Variants in MORC1 observed in about 807,000 individuals in gnomAD.
The protein encoded by MORC1 is MORC family CW-type zinc finger protein 1.
A neutral mutation model predicts 134.9 loss-of-function variants in MORC1; 59 were observed. The observed-to-expected ratio is 0.44, with a 90% CI of 0.35 to 0.54. The LOEUF (loss-of-function observed/expected upper bound fraction) is 0.54, where lower values mean the gene tolerates loss of function less well. Ranked by LOEUF, MORC1 falls within the 20% of genes least tolerant of loss-of-function variation. MORC1 has a pLI of 0.00. For missense variants in MORC1, 947 were observed against 1,134.5 expected (o/e 0.83, Z 2.37); for synonymous variants, 395 against 391.7 (o/e 1.01, Z -0.10).
chr3:109,117,994 C>G lies in MORC1; in HGVS notation c.65+1G>C, dbSNP rs1453286996. ...GACCCCGACCCCACCTCGGCACTCACGAGTTGGCGTGGATGAAATCCAGAC... is the reference window on the plus strand; with the variant it reads ...GACCCCGACCCCACCTCGGCACTCAGGAGTTGGCGTGGATGAAATCCAGAC... On this transcript the variant is annotated splice_donor_variant, in intron 1 of 27. Coordinates refer to ENST00000232603, the MANE Select transcript of MORC1 (RefSeq NM_014429.4). LOFTEE classifies it high-confidence loss of function. 3 of 1,599,038 alleles carry G rather than the reference C, an allele frequency of 1.9e-6. No homozygotes were observed. The highest frequency in any genetic ancestry group is 1.3e-5 in the African/African-American group (1 of 74,722).
chr3:109,073,111 T>C (rs931048650), intron 8 of MORC1, among the ~76,000 whole-genome samples: 1 of 152,198 alleles, frequency 6.6e-6, no homozygotes, highest in Non-Finnish European at 1.5e-5. Context: ...GCACTGGGTA[T>C]TCTTAACAGT....
chr3:109,110,515 A>C (rs7641406), intron 3 of MORC1, among the ~76,000 whole-genome samples: 20,921 of 152,152 alleles, frequency 0.14, 1,844 homozygotes, highest in Admixed American at 0.2. Flanking sequence ...ACTCTGATAC[A>C]TTCACAAAAC....
At chr3:108,990,845 G>T (rs1948033899) in intron 21 of MORC1, among the ~76,000 whole-genome samples, 1 of 151,888 alleles carries the variant, frequency 6.6e-6, no homozygotes, top group Admixed American at 6.6e-5. Context: ...GTGGGTAGTG[G>T]AGTCCAGGTA....
chr3:109,040,587 T>C (rs968070136), intron 14 of MORC1, among the ~76,000 whole-genome samples: 10 of 151,366 alleles, frequency 6.6e-5, no homozygotes, highest in Admixed American at 5.9e-4. Context: ...CCCAGCACTG[T>C]GGGAAGCTGA....
At chr3:109,000,229 G>T (rs1948364309) in intron 21 of MORC1, among the ~76,000 whole-genome samples, 2 of 152,104 alleles carry the variant, frequency 1.3e-5, no homozygotes, top group Admixed American at 1.3e-4. Context: ...TCGGATTTGG[G>T]AATGAGTTTT....
intron 23 of MORC1, 83 bp downstream of exon 23, chr3:108,984,633 C>A: frequency 9.4e-7 from 1 of 1,068,446 alleles, no homozygotes; most frequent in South Asian, 1.6e-5. Flanking sequence ...TATTTCCTTT[C>A]TTCTTGTATT....
intron 26 of MORC1, among the ~76,000 whole-genome samples, 170 bp from the exon 27 acceptor site, chr3:108,963,778 G>A (rs566338557): frequency 6.6e-6 from 1 of 152,200 alleles, no homozygotes; most frequent in South Asian, 2.1e-4. Flanking sequence ...CATACACTCT[G>A]ATAGAAGACT....
chr3:109,098,703 C>A (rs980191215), intron 6 of MORC1, among the ~76,000 whole-genome samples: 4 of 152,092 alleles, frequency 2.6e-5, no homozygotes, highest in Non-Finnish European at 5.9e-5. Flanking sequence ...TTTTTAAATA[C>A]CCTCACTTTT....
chr3:109,039,329 T>C (rs1000758654), intron 14 of MORC1, among the ~76,000 whole-genome samples: 7 of 152,244 alleles, frequency 4.6e-5, no homozygotes, highest in Admixed American at 1.3e-4. Flanking sequence ...ATTAGTTGTA[T>C]AGTTGTGGGC....
intron 14 of MORC1, among the ~76,000 whole-genome samples, chr3:109,037,973 G>A (rs1382670433): frequency 6.6e-6 from 1 of 152,126 alleles, no homozygotes; most frequent in African/African-American, 2.4e-5. Context: ...TGGGATTGCT[G>A]GGTCAAATGG....
chr3:109,091,934 C>G (rs746307795), intron 8 of MORC1, among the ~76,000 whole-genome samples: 4 of 152,194 alleles, frequency 2.6e-5, no homozygotes, highest in Non-Finnish European at 5.9e-5. Context: ...CTGGAAACAG[C>G]AAGAACATCT....
intron 8 of MORC1, among the ~76,000 whole-genome samples, chr3:109,078,783 G>C (rs1372041535): frequency 6.6e-6 from 1 of 151,844 alleles, no homozygotes; most frequent in Non-Finnish European, 1.5e-5. Context: ...CCAAGAAAGA[G>C]AGATGGGAGA....
chr3:109,110,187 A>T (rs532706256), intron 3 of MORC1: 1 of 152,472 alleles, frequency 6.6e-6, no homozygotes, highest in African/African-American at 2.4e-5. Context: ...AGAACAGCTG[A>T]CAGAAATGTG....
At position 108,988,966 on chromosome 3, in the gene MORC1, T is replaced by A. The variant is rs944842751; in HGVS notation, c.2188-2017A>T. Among the ~76,000 whole-genome samples the A allele has an allele frequency of 3.3e-5, 5 of 152,162 alleles. No individual in the cohort carries two copies. In the East Asian group the frequency reaches 9.6e-4, roughly 29 times the overall value. ...TCTGCCATCTCTATAACATGAAAAA[T>A]TTCTTTTATTTTCCTTTGCTGTATT... On this transcript the variant is annotated intron_variant, in intron 21 of 27. Transcript: ENST00000232603.
chr3:108,969,845 G>T, intron 25 of MORC1, 123 bp from the exon 26 acceptor site: 1 of 795,118 alleles, frequency 1.3e-6, no homozygotes, highest in East Asian at 2.6e-5. Flanking sequence ...GGCCAACATT[G>T]GTACTATGGG....
At chr3:108,959,723 A>T (rs1336283243) in intron 27 of MORC1, among the ~76,000 whole-genome samples, 1 of 152,190 alleles carries the variant, frequency 6.6e-6, no homozygotes, top group Non-Finnish European at 1.5e-5. Context: ...TATTATGAAA[A>T]AACTACGTAG....
rs186632983 is a variant in MORC1 at position 109,028,233 on chromosome 3, T to G, written c.1566-344A>C. Reference sequence around the variant, plus strand: ...ACTGAGCTTATCTCATCACTGCCATTTCCCCCCCCAAAAAAGGTAGCGAAA... The same window carrying G: ...ACTGAGCTTATCTCATCACTGCCATGTCCCCCCCCAAAAAAGGTAGCGAAA... On this transcript the variant is annotated intron_variant, in intron 16 of 27. Coordinates refer to ENST00000232603, the MANE Select transcript of MORC1 (RefSeq NM_014429.4). Among the ~76,000 whole-genome samples, 283 of 139,640 alleles carry G rather than the reference T, an allele frequency of 2.0e-3. 3 individuals are homozygous for G. Among genetic ancestry groups the G allele is most frequent in the African/African-American group, 6.7e-3 (251 of 37,522 alleles). The allele number at this position is 139,640 out of a possible 152,430, so 91.6% of individuals were successfully genotyped here. A position where few individuals can be genotyped will look rare whatever the true frequency, so the allele number is the denominator to read the frequency against.
intron 12 of MORC1, among the ~76,000 whole-genome samples, 187 bp downstream of exon 12, chr3:109,059,619 A>G (rs988414522): frequency 1.2e-4 from 18 of 152,148 alleles, no homozygotes; most frequent in African/African-American, 4.3e-4. Flanking sequence ...GCAAATATAT[A>G]CTTTATCAAT....
At chr3:109,009,204 G>C (rs537829850) in intron 17 of MORC1, among the ~76,000 whole-genome samples, 1 of 96,764 alleles carries the variant, frequency 1.0e-5, no homozygotes, top group African/African-American at 3.7e-5. Context: ...TACGTTTTTT[G>C]TTGTTTTTTT....
Sources: gnomAD v4.1 joint callset for allele counts (sites outside exome capture counted in the v4.1 genomes callset) on GRCh38, gnomAD v4.1.1 for gene constraint, MANE v1.5 for transcripts, NCBI Gene and HGNC (gene_info 2026-07-23, HGNC 2026-07-21) for gene names.